LYPD6B: variants seen among roughly 807,000 people sequenced by gnomAD.
LYPD6B encodes the protein ly6/PLAUR domain-containing protein 6B.
In LYPD6B, 17 loss-of-function variants were observed where a neutral mutation model predicts 22.8. The observed-to-expected ratio is 0.75, with a 90% CI of 0.51 to 1.12. The LOEUF (loss-of-function observed/expected upper bound fraction) is 1.12. Among genes scored for constraint, LYPD6B ranks in the 50% most tolerant of loss-of-function variants. LYPD6B has a pLI of 0.00. For missense variants in LYPD6B, 221 were observed against 258.3 expected, an observed-to-expected ratio of 0.86 and a Z score of 0.99; for synonymous variants, 106 against 91.6, an observed-to-expected ratio of 1.16 and a Z score of -0.90.
intron 1 of LYPD6B, among the ~76,000 whole-genome samples, chr2:149,041,499 T>G (rs1683086741): frequency 6.6e-6 from 1 of 152,218 alleles, no homozygotes; most frequent in Non-Finnish European, 1.5e-5. Flanking sequence ...ATGATTGTTT[T>G]GCCCAAGCTA....
intron 1 of LYPD6B, among the ~76,000 whole-genome samples, chr2:149,065,687 G>T (rs372510062): frequency 1.3e-4 from 20 of 152,254 alleles, no homozygotes; most frequent in African/African-American, 4.3e-4. Context: ...GGTCTTTTGT[G>T]TTGTGTGTTC....
chr2:149,168,211 C>CG (rs1690562326), intron 3 of LYPD6B, among the ~76,000 whole-genome samples: 1 of 48,488 alleles, frequency 2.1e-5, no homozygotes, highest in African/African-American at 7.8e-5. Flanking sequence ...GGCTCTGTCT[C>CG]AAAAAAAAAA....
intron 2 of LYPD6B, among the ~76,000 whole-genome samples, chr2:149,149,426 A>G (rs1245117179): frequency 6.6e-6 from 1 of 152,162 alleles, no homozygotes; most frequent in Non-Finnish European, 1.5e-5. Context: ...CTACACACAC[A>G]CACACACGCA....
At chr2:149,158,346 A>G (rs1689837503) in intron 2 of LYPD6B, among the ~76,000 whole-genome samples, 1 of 152,234 alleles carries the variant, frequency 6.6e-6, no homozygotes, top group Admixed American at 6.5e-5. Flanking sequence ...ATAAAAAGGA[A>G]TGATATTCTG....
chr2:149,144,193 C>T (rs1228250121), intron 2 of LYPD6B, among the ~76,000 whole-genome samples: 1 of 152,118 alleles, frequency 6.6e-6, no homozygotes, highest in Non-Finnish European at 1.5e-5. Context: ...CAGCTTAATG[C>T]AGAGGATGGC....
intron 1 of LYPD6B, among the ~76,000 whole-genome samples, chr2:149,071,187 C>T (rs1447547771): frequency 6.6e-6 from 1 of 152,198 alleles, no homozygotes; most frequent in African/African-American, 2.4e-5. Flanking sequence ...ACTGTGCAAA[C>T]ATTCTATTCA....
intron 2 of LYPD6B, among the ~76,000 whole-genome samples, chr2:149,144,432 C>T (rs1688887031): frequency 6.6e-6 from 1 of 152,140 alleles, no homozygotes; most frequent in Admixed American, 6.5e-5. Flanking sequence ...CCCCCTGTCA[C>T]CCAGGCTGGA....
chr2:149,142,126 G>T (rs556267951), intron 2 of LYPD6B: 3 of 152,178 alleles, frequency 2.0e-5, no homozygotes, highest in Admixed American at 1.3e-4. Flanking sequence ...AAAAAATACT[G>T]GTGTTCTGGC....
intron 1 of LYPD6B, among the ~76,000 whole-genome samples, chr2:149,114,579 G>A (rs933590823): frequency 2.0e-5 from 3 of 152,312 alleles, no homozygotes; most frequent in Admixed American, 1.3e-4. Context: ...TTAACATGAA[G>A]GGGGTTCACA....
At chr2:149,090,851 A>G (rs1044147397) in intron 1 of LYPD6B, among the ~76,000 whole-genome samples, 4 of 152,214 alleles carry the variant, frequency 2.6e-5, no homozygotes, top group Non-Finnish European at 5.9e-5. Flanking sequence ...TCACAAGGGT[A>G]TAAAACCACA....
chr2:149,203,166 C>G (rs1387924094), intron 3 of LYPD6B, among the ~76,000 whole-genome samples: 3 of 152,166 alleles, frequency 2.0e-5, no homozygotes, highest in African/African-American at 7.2e-5. Flanking sequence ...AAGTACTATC[C>G]TATGCTTGTT....
At chr2:149,118,456 G>A (rs1687117062) in intron 1 of LYPD6B, among the ~76,000 whole-genome samples, 1 of 152,210 alleles carries the variant, frequency 6.6e-6, no homozygotes, top group Non-Finnish European at 1.5e-5. Flanking sequence ...TCTCAGGGCA[G>A]AGGACACTTG....
chr2:149,183,149 C>T (rs1216121903), intron 3 of LYPD6B, among the ~76,000 whole-genome samples: 1 of 152,106 alleles, frequency 6.6e-6, no homozygotes, highest in Non-Finnish European at 1.5e-5. Flanking sequence ...ATTTTTTTCC[C>T]TTTCAAGCTT....
At chr2:149,170,069 G>C (rs1690716207) in intron 3 of LYPD6B, among the ~76,000 whole-genome samples, 1 of 152,216 alleles carries the variant, frequency 6.6e-6, no homozygotes, top group African/African-American at 2.4e-5. Flanking sequence ...CAGGTCTTCA[G>C]CCATGTCTCT....
At chr2:149,047,943 G>A (rs1441734460) in intron 1 of LYPD6B, among the ~76,000 whole-genome samples, 1 of 151,944 alleles carries the variant, frequency 6.6e-6, no homozygotes, top group Non-Finnish European at 1.5e-5. Context: ...TCCTTTATTT[G>A]TTACTGTCTT....
intron 2 of LYPD6B, among the ~76,000 whole-genome samples, chr2:149,141,574 T>C (rs989079911): frequency 2.6e-5 from 4 of 152,214 alleles, no homozygotes; most frequent in Non-Finnish European, 5.9e-5. Flanking sequence ...TATTTTGTAT[T>C]TGTTATATGA....
intron 1 of LYPD6B, chr2:149,068,544 A>G: frequency 3.5e-6 from 1 of 282,958 alleles, no homozygotes; most frequent in South Asian, 4.2e-5. Context: ...ATAAAAAATT[A>G]CAAATTTTAA....
chr2:149,205,771 G>T (rs1272133820), intron 4 of LYPD6B, among the ~76,000 whole-genome samples: 1 of 152,066 alleles, frequency 6.6e-6, no homozygotes, highest in Admixed American at 6.6e-5. Context: ...TCTTTCAAAT[G>T]GCCATTAACA....
At chr2:149,071,741 T>C (rs1684614062) in intron 1 of LYPD6B, among the ~76,000 whole-genome samples, 1 of 152,072 alleles carries the variant, frequency 6.6e-6, no homozygotes, top group Admixed American at 6.5e-5. Context: ...TTGTACAGAA[T>C]AAACAATGTC....
Sources: allele counts gnomAD v4.1 joint callset (sites outside exome capture counted in the v4.1 genomes callset), GRCh38; gene constraint gnomAD v4.1.1; transcripts MANE v1.5; gene names NCBI Gene and HGNC (gene_info 2026-07-23, HGNC 2026-07-21).